Variants in PSD observed in about 807,000 individuals in gnomAD.
PSD encodes the protein pleckstrin and Sec7 domain containing, also known as PH and SEC7 domain-containing protein 1.
In PSD, 32 loss-of-function variants were observed where a neutral mutation model predicts 91.6. The ratio of observed to expected loss-of-function variants is 0.35; its 90% CI spans 0.26 to 0.47. The LOEUF (loss-of-function observed/expected upper bound fraction) is 0.47. PSD is among the 20% of genes least tolerant of loss of function. PSD has a pLI of 1.00. For synonymous variants in PSD, 532 were observed against 569.3 expected (o/e 0.93, Z 0.93); for missense variants, 1,099 against 1,373.9 (o/e 0.80, Z 3.16).
Position 102,403,973 on chromosome 10 carries a change from G to A in PSD, c.2713C>T (p.Arg905Trp), listed in dbSNP as rs760611970. ...ATRLSQEEQV[R>W]THEAKLKAMA... ...GCCTTCAGCTTGGCCTCGTGGGTCCGCACCTGCTCCTCCTAGCGGCCAGGG... is the reference window on the plus strand; with the variant it reads ...GCCTTCAGCTTGGCCTCGTGGGTCCACACCTGCTCCTCCTAGCGGCCAGGG... The change falls in exon 16 of 17, where the codon CGG becomes TGG. Residue 905 changes from arginine (R) to tryptophan (W), a missense_variant. Transcript: ENST00000020673. The surrounding 1 kb of genome is among the most constrained non-coding windows in gnomAD (Gnocchi z 6.7). 109 of 1,559,190 alleles carry A rather than the reference G, an allele frequency of 7.0e-5. 1 individual carries two copies. The Admixed American group carries it at 9.5e-4, about 14-fold the overall frequency.
Position 102,404,786 on chromosome 10 carries a change from A to G in PSD, c.2556-59T>C, listed in dbSNP as rs1433354525. 1.4e-5 allele frequency: 22 copies of G among 1,555,582 alleles called. No individual in the cohort carries two copies. The East Asian group carries it at 4.7e-4, about 34-fold the overall frequency. On this transcript the variant is annotated intron_variant, in intron 14 of 16. Transcript: ENST00000020673. The surrounding 1 kb of genome is among the most constrained non-coding windows in gnomAD (Gnocchi z 5.7). Reference sequence around the variant, plus strand: ...CCCAGGGTTTCTGTCCCAGGATGCCAGTCCTGGCTCAAGTGTGGCCTGAGA... The same window carrying G: ...CCCAGGGTTTCTGTCCCAGGATGCCGGTCCTGGCTCAAGTGTGGCCTGAGA...
At position 102,409,162 on chromosome 10, in the gene PSD, A is replaced by T. The variant is rs2061398809; in HGVS notation, c.2091+1696T>A. 2.5e-5 allele frequency: 24 copies of T among 978,272 alleles called. No individual in the cohort carries two copies. The highest frequency in any genetic ancestry group is 2.7e-5 in the Non-Finnish European group (22 of 826,918). 60.6% of individuals were successfully genotyped at this position (978,272 alleles called of 1,614,324 possible). On this transcript the variant is annotated intron_variant, in intron 10 of 16. Coordinates refer to ENST00000020673, the MANE Select transcript of PSD (RefSeq NM_002779.5). The surrounding 1 kb of genome is among the most constrained non-coding windows in gnomAD (Gnocchi z 5.7). ...CGCCCTCGGCCCCCGGGCCGCCCGG[A>T]CGGCCCGCGGACCGCTCCCCCGACA...
rs35527887 is a variant in PSD at position 102,404,347 on chromosome 10, CAA to C, written c.2700+234_2700+235del. Among the ~76,000 whole-genome samples, 36 of 102,958 alleles carry C rather than the reference CAA, an allele frequency of 3.5e-4. No individual in the cohort carries two copies. Among genetic ancestry groups the C allele is most frequent in the South Asian group, 1.8e-3 (6 of 3,362 alleles). 67.5% of individuals were successfully genotyped at this position (102,958 alleles called of 152,430 possible). ...TGGGCAACAGAGCGAGACTCCATCT[CAA>C]AAAAAAAAAAAAAAAAGATGCCCCT... is the stretch of plus-strand genomic sequence containing the variant. On this transcript the variant is annotated intron_variant, in intron 15 of 16. Coordinates refer to ENST00000020673, the MANE Select transcript of PSD (RefSeq NM_002779.5). This position sits in a 1 kb window ranked among gnomAD's most constrained non-coding sequence, Gnocchi z 5.7.
Position 102,409,894 on chromosome 10 carries a change from C to A in PSD, c.2091+964G>T, listed in dbSNP as rs905383751. On this transcript the variant is annotated intron_variant, in intron 10 of 16. Coordinates refer to ENST00000020673, the MANE Select transcript of PSD (RefSeq NM_002779.5). This position sits in a 1 kb window ranked among gnomAD's most constrained non-coding sequence, Gnocchi z 5.7. ...ACCACACATAAACATCCAGCCTACA[C>A]CCCAACTCAAACACACACTCTGAAT... Among the ~76,000 whole-genome samples, 12 of 152,160 alleles carry A rather than the reference C, an allele frequency of 7.9e-5. No individual in the cohort carries two copies. Among genetic ancestry groups the A allele is most frequent in the African/African-American group, 2.7e-4 (11 of 41,422 alleles).
chr10:102,412,271 G>T (rs772634726), intron 6 of PSD, 44 bp from the exon 7 acceptor site: 1 of 1,611,396 alleles, frequency 6.2e-7, no homozygotes, highest in Non-Finnish European at 8.5e-7. Context: ...AAGGGGAAGT[G>T]CAGGGGGTCA....
Position 102,416,643 on chromosome 10 carries a change from A to C in PSD, c.396T>G (p.Val132=). 6.2e-7 allele frequency: 1 copy of C among 1,608,130 alleles called. No individual in the cohort carries two copies. Among genetic ancestry groups the C allele is most frequent in the Non-Finnish European group, 8.5e-7 (1 of 1,177,510 alleles). The part of the protein sequence containing the change: ...GLSRSWDLGG[V]SPPRPTPALG... Reference sequence around the variant, plus strand: ...GGGCTGGGGTGGGCCTGGGAGGAGAAACCCCACCCAGATCCCAGCTCCGAC... The same window carrying C: ...GGGCTGGGGTGGGCCTGGGAGGAGACACCCCACCCAGATCCCAGCTCCGAC... Residue 132 remains valine, a synonymous_variant, in exon 2 of 17, where the codon GTT becomes GTG. Transcript: ENST00000020673. The surrounding 1 kb of genome is among the most constrained non-coding windows in gnomAD (Gnocchi z 6.0).
In PSD at chr10:102,413,854, T is replaced by G. The variant is rs778503402; in HGVS notation, c.1468A>C (p.Arg490=). 2.5e-6 allele frequency: 4 copies of G among 1,613,964 alleles called. No individual in the cohort carries two copies. The highest frequency in any genetic ancestry group is 3.4e-6 in the Non-Finnish European group (4 of 1,179,948). ...TCCCTCCCTGGGGCCAGCTTGGCTC[T>G]GGCCTCTGCCTCCTCCTCCTCCCCT... is the stretch of plus-strand genomic sequence containing the variant. The part of the protein sequence containing the change: ...QRGEEEEAEA[R]AKLAPGREPP... The change falls in exon 5 of 17, where the codon AGA becomes CGA. Residue 490 remains arginine, a synonymous_variant. Transcript: ENST00000020673.
chr10:102,419,024 T>C (rs2061523414), upstream of PSD: 1 of 317,766 alleles, frequency 3.1e-6, no homozygotes, highest in Non-Finnish European at 6.4e-6. The surrounding 1 kb of genome is among the most constrained non-coding windows in gnomAD (Gnocchi z 4.8). Flanking sequence ...CCCACCCCAC[T>C]TGTGTCCACG....
rs917891122 is a variant in PSD at position 102,416,204 on chromosome 10, A to C, written c.655-85T>G. 8.0e-7 allele frequency: 1 copy of C among 1,247,108 alleles called. No homozygotes were observed. The highest frequency in any genetic ancestry group is 1.1e-6 in the Non-Finnish European group (1 of 882,226). The allele number at this position is 1,247,108 out of a possible 1,614,324, so 77.3% of individuals were successfully genotyped here. On this transcript the variant is annotated intron_variant, in intron 2 of 16. Coordinates refer to ENST00000020673, the MANE Select transcript of PSD (RefSeq NM_002779.5). The surrounding 1 kb of genome is among the most constrained non-coding windows in gnomAD (Gnocchi z 6.0). ...GAATATGGGACAGAAACAGAAATTA[A>C]AACATGCATCGACAGAGATGGAGGT...
rs780777011 is a variant in PSD at position 102,416,810 on chromosome 10, G to A, written c.229C>T (p.Arg77Cys). Residue 77 changes from arginine (R) to cysteine (C), a missense_variant, in exon 2 of 17, where the codon CGT becomes TGT. Around this residue, in one of 3 missense-constraint regions of PSD, gnomAD observed 631 missense variants for 728.8 expected, o/e 0.87. Transcript: ENST00000020673. This position sits in a 1 kb window ranked among gnomAD's most constrained non-coding sequence, Gnocchi z 6.0. ...CTPLRGPPSP[R>C]VAPSPWAPSS... ...GGTGCCCAGGGTGAGGGAGCAACAC[G>A]GGGTGAGGGGGGGCCACGCAGAGGT... The A allele has an allele frequency of 3.8e-6, 6 of 1,598,082 alleles. No homozygotes were observed. Among genetic ancestry groups the A allele is most frequent in the Non-Finnish European group, 4.3e-6 (5 of 1,171,756 alleles).
At position 102,409,870 on chromosome 10, in the gene PSD, C is replaced by G. The variant is rs2061406981; in HGVS notation, c.2091+988G>C. Among the ~76,000 whole-genome samples, 1 of 152,126 alleles carries G rather than the reference C, an allele frequency of 6.6e-6. No individual in the cohort carries two copies. Among genetic ancestry groups the G allele is most frequent in the Admixed American group, 6.5e-5 (1 of 15,276 alleles). On this transcript the variant is annotated intron_variant, in intron 10 of 16. Coordinates refer to ENST00000020673, the MANE Select transcript of PSD (RefSeq NM_002779.5). The surrounding 1 kb of genome is among the most constrained non-coding windows in gnomAD (Gnocchi z 5.7). ...GGCCAATTCGAAGATGTAAACCCCA[C>G]CACACATAAACATCCAGCCTACACC...
intron 8 of PSD, 80 bp from the exon 9 acceptor site, chr10:102,411,196 T>C (rs1487736543): frequency 7.1e-7 from 1 of 1,408,550 alleles, no homozygotes; most frequent in African/African-American, 1.4e-5. Context: ...TCCCATTTCA[T>C]CCCCACCCCC....
intron 1 of PSD, among the ~76,000 whole-genome samples, chr10:102,417,368 G>A (rs1322275249): frequency 1.3e-5 from 2 of 152,126 alleles, no homozygotes; most frequent in East Asian, 3.8e-4. Context: ...ATCACCCTGG[G>A]AGGAGAGAGG....
At chr10:102,408,646 G>C (rs1014209120) in intron 10 of PSD, among the ~76,000 whole-genome samples, 1 of 152,192 alleles carries the variant, frequency 6.6e-6, no homozygotes, top group Non-Finnish European at 1.5e-5. Flanking sequence ...CTCATTCGAG[G>C]GCCCTGAACC....
In PSD at chr10:102,415,196, G is replaced by A; in HGVS notation, c.791C>T (p.Pro264Leu). 8.1e-6 allele frequency: 13 copies of A among 1,611,896 alleles called. No individual in the cohort carries two copies. Among genetic ancestry groups the A allele is most frequent in the East Asian group, 2.2e-5 (1 of 44,848 alleles). ...GCCCTGCCTTGAGCCCACCCCAGGT[G>A]GAGATGGGGGGGCCTGCTCTGGGGG... ...AKPPEQAPPS[P>L]PGVGSRQGSG... The change falls in exon 4 of 17, where the codon CCA (proline) becomes CTA (leucine). Residue 264 changes from proline (P) to leucine (L), a missense_variant. Pro to Leu is a moderately conservative substitution (Grantham distance 98). Around this residue, in one of 3 missense-constraint regions of PSD, gnomAD observed 631 missense variants for 728.8 expected, o/e 0.87. Transcript: ENST00000020673.
At chr10:102,406,937 T>G (rs2135451926) in intron 11 of PSD, among the ~76,000 whole-genome samples, 1 of 152,300 alleles carries the variant, frequency 6.6e-6, no homozygotes, top group East Asian at 1.9e-4. Flanking sequence ...TTCCAGAGGC[T>G]TCTGCTTTCC....
chr10:102,413,695 G>C, intron 5 of PSD, 74 bp downstream of exon 5: 1 of 1,440,812 alleles, frequency 6.9e-7, no homozygotes, highest in Non-Finnish European at 9.5e-7. Flanking sequence ...CTCACACTCA[G>C]GATCTGTCCC....
chr10:102,418,734 C>G lies in PSD; in HGVS notation c.-117G>C, dbSNP rs1199944273. Reference sequence around the variant, plus strand: ...GCCCAGAGCTGAGACCGAGGAGAGACAGAGGAGAGGCTGGGCCCAGCTGAG... The same window carrying G: ...GCCCAGAGCTGAGACCGAGGAGAGAGAGAGGAGAGGCTGGGCCCAGCTGAG... On this transcript the variant is annotated 5_prime_UTR_variant, in exon 1 of 17. Coordinates refer to ENST00000020673, the MANE Select transcript of PSD (RefSeq NM_002779.5). The G allele has an allele frequency of 4.4e-6, 2 of 455,786 alleles. No homozygotes were observed. Among genetic ancestry groups the G allele is most frequent in the Admixed American group, 4.7e-5 (2 of 42,552 alleles). The allele number at this position is 455,786 out of a possible 1,614,324, so 28.2% of individuals were successfully genotyped here. A position where few individuals can be genotyped will look rare whatever the true frequency, so the allele number is the denominator to read the frequency against.
intron 8 of PSD, 79 bp from the exon 9 acceptor site, chr10:102,411,195 A>G: frequency 7.1e-7 from 1 of 1,407,342 alleles, no homozygotes. Context: ...CTCCCATTTC[A>G]TCCCCACCCC....
Sources: gnomAD v4.1 joint callset for allele counts (sites outside exome capture counted in the v4.1 genomes callset) on GRCh38, gnomAD v4.1.1 for gene constraint, gnomAD v4.1.1 regional missense constraint, Gnocchi (gnomAD v3.1) non-coding constraint, MANE v1.5 for transcripts, NCBI Gene and HGNC (gene_info 2026-07-23, HGNC 2026-07-21) for gene names.